Variants in TTC17 observed in about 807,000 individuals in gnomAD.
TTC17 encodes tetratricopeptide repeat protein 17.
TTC17 carries 58 observed loss-of-function variants against 143.8 expected under a neutral mutation model. That is an observed-to-expected ratio of 0.40 (90% CI 0.33 to 0.50). The LOEUF (loss-of-function observed/expected upper bound fraction) is 0.50, where lower values mean the gene tolerates loss of function less well. Ranked by LOEUF, TTC17 falls within the 20% of genes least tolerant of loss-of-function variation. The pLI is 0.49. For synonymous variants in TTC17, 501 were observed against 497.8 expected (o/e 1.01, Z -0.09); for missense variants, 1,273 against 1,392.5 (o/e 0.91, Z 1.37).
At chr11:43,482,924 C>A (rs1373774050) in intron 21 of TTC17, among the ~76,000 whole-genome samples, 1 of 151,848 alleles carries the variant, frequency 6.6e-6, no homozygotes, top group African/African-American at 2.4e-5. Flanking sequence ...AAAGTTGTTT[C>A]TTTGAAACAA....
intron 21 of TTC17, among the ~76,000 whole-genome samples, chr11:43,476,338 A>G (rs1948183698): frequency 6.6e-6 from 1 of 152,260 alleles, no homozygotes; most frequent in South Asian, 2.1e-4. Flanking sequence ...TTTGAGCAAC[A>G]GGAGGATAAT....
intron 1 of TTC17, among the ~76,000 whole-genome samples, chr11:43,359,487 C>T (rs1259078728): frequency 4.6e-5 from 7 of 152,176 alleles, no homozygotes; most frequent in African/African-American, 1.7e-4. Flanking sequence ...ACCGGCCCTC[C>T]CCGAGGAAAT....
At chr11:43,452,061 A>G (rs982333505) in intron 21 of TTC17, among the ~76,000 whole-genome samples, 17 of 152,224 alleles carry the variant, frequency 1.1e-4, no homozygotes, top group African/African-American at 4.1e-4. Flanking sequence ...AACATACAGG[A>G]TGAATTGTAG....
chr11:43,407,183 A>T lies in TTC17; in HGVS notation c.1807A>T (p.Ile603Phe), dbSNP rs761954634. 1 of 1,599,712 alleles carries T rather than the reference A, an allele frequency of 6.3e-7. No homozygotes were observed. Residue 603 changes from isoleucine to phenylalanine, a missense_variant, in exon 14 of 24, where the codon ATT becomes TTT. Ile to Phe is a conservative substitution (Grantham distance 21, BLOSUM62 0). This residue lies in a region of TTC17 where 878 missense variants were observed against 899.8 expected (regional missense o/e 0.98). Transcript: ENST00000039989. Reference protein sequence around the residue: ...INNYTIPEEEIGSFLFHAINK... With the variant: ...INNYTIPEEEFGSFLFHAINK... ...TAACTATACTATCCCAGAAGAAGAA[A>T]TTGGGTCTTTCTTATTTCATGCTAT...
intron 16 of TTC17, among the ~76,000 whole-genome samples, chr11:43,419,005 A>G (rs1345748227): frequency 6.6e-6 from 1 of 152,110 alleles, no homozygotes; most frequent in Non-Finnish European, 1.5e-5. Flanking sequence ...TATTTTTCTT[A>G]TATTAGCATA....
intron 11 of TTC17, among the ~76,000 whole-genome samples, chr11:43,404,470 G>A (rs1277917724): frequency 6.6e-6 from 1 of 152,028 alleles, no homozygotes; most frequent in Non-Finnish European, 1.5e-5. Context: ...TCACTTAATC[G>A]GCATTCTTTT....
chr11:43,378,534 A>G (rs1856845408), intron 1 of TTC17, among the ~76,000 whole-genome samples: 1 of 152,198 alleles, frequency 6.6e-6, no homozygotes, highest in South Asian at 2.1e-4. Flanking sequence ...ATCCTTATGT[A>G]TATCCTTGCC....
At chr11:43,372,482 TTTTATTTATTTATTTA>T (rs368350167) in intron 1 of TTC17, among the ~76,000 whole-genome samples, 6 of 145,854 alleles carry the variant, frequency 4.1e-5, no homozygotes, top group Non-Finnish European at 7.5e-5. Flanking sequence ...TATTTTTATT[TTTTATTTATTTATTTA>T]TTTATTTATT....
intron 21 of TTC17, among the ~76,000 whole-genome samples, chr11:43,474,899 G>T (rs1948156777): frequency 6.6e-6 from 1 of 152,206 alleles, no homozygotes; most frequent in African/African-American, 2.4e-5. Context: ...TTAAGTGGAA[G>T]TGGATCATCT....
chr11:43,407,110 T>G, intron 13 of TTC17, 28 bp from the exon 14 acceptor site: 6 of 1,468,570 alleles, frequency 4.1e-6, no homozygotes, highest in Non-Finnish European at 5.6e-6. Context: ...TATTTTCAAT[T>G]GAGTCAGTCT....
chr11:43,452,553 G>C (rs576647957), intron 21 of TTC17, among the ~76,000 whole-genome samples: 1 of 151,822 alleles, frequency 6.6e-6, no homozygotes, highest in Non-Finnish European at 1.5e-5. Flanking sequence ...GAAAACCATA[G>C]GAAAAAGCAG....
At chr11:43,485,883 G>GTTTTTTTTTTTTT (rs751026290) in intron 21 of TTC17, among the ~76,000 whole-genome samples, 1 of 112,618 alleles carries the variant, frequency 8.9e-6, no homozygotes, top group Non-Finnish European at 1.8e-5. Flanking sequence ...TTGGTTTTTT[G>GTTTTTTTTTTTTT]TTTTTTTTTT....
chr11:43,440,700 C>T (rs879370180), intron 16 of TTC17, among the ~76,000 whole-genome samples: 1 of 152,158 alleles, frequency 6.6e-6, no homozygotes, highest in Non-Finnish European at 1.5e-5. Context: ...TACTCTAAGA[C>T]TTTAACCTTT....
intron 1 of TTC17, among the ~76,000 whole-genome samples, chr11:43,364,907 G>A (rs1433870430): frequency 2.0e-5 from 3 of 152,096 alleles, no homozygotes; most frequent in Non-Finnish European, 4.4e-5. Context: ...CTGGATTCAA[G>A]CGGTTTTCCT....
intron 16 of TTC17, among the ~76,000 whole-genome samples, chr11:43,425,793 A>G (rs1414012573): frequency 6.6e-6 from 1 of 152,228 alleles, no homozygotes; most frequent in Non-Finnish European, 1.5e-5. Flanking sequence ...CCAGCAAAGT[A>G]TATTTAATTA....
At chr11:43,405,220 G>A (rs975254930) in intron 11 of TTC17, among the ~76,000 whole-genome samples, 2 of 150,754 alleles carry the variant, frequency 1.3e-5, no homozygotes, top group African/African-American at 2.4e-5. Context: ...CATATGTAAC[G>A]TAAGAGCCTA....
At chr11:43,484,417 G>T (rs761344219) in intron 21 of TTC17, among the ~76,000 whole-genome samples, 1 of 152,062 alleles carries the variant, frequency 6.6e-6, no homozygotes, top group Admixed American at 6.5e-5. Context: ...CAAGACCTCC[G>T]TGCAGCAAGA....
chr11:43,365,453 G>C (rs1856296810), intron 1 of TTC17, among the ~76,000 whole-genome samples: 1 of 152,104 alleles, frequency 6.6e-6, no homozygotes, highest in African/African-American at 2.4e-5. Flanking sequence ...ATTTTTTGTA[G>C]AGACGGGGTT....
intron 16 of TTC17, among the ~76,000 whole-genome samples, chr11:43,418,944 T>TA (rs1433414927): frequency 1.4e-4 from 22 of 152,198 alleles, no homozygotes; most frequent in Non-Finnish European, 1.8e-4. Flanking sequence ...TAGGCTGTCT[T>TA]ATATCTTTGA....
Sources: allele counts gnomAD v4.1 joint callset (sites outside exome capture counted in the v4.1 genomes callset), GRCh38; gene constraint gnomAD v4.1.1; regional missense constraint gnomAD v4.1.1; transcripts MANE v1.5; gene names NCBI Gene and HGNC (gene_info 2026-07-23, HGNC 2026-07-21).